Variants in CBR4 observed in about 807,000 individuals in gnomAD.
CBR4 encodes carbonyl reductase 4.
CBR4 carries 22 observed loss-of-function variants against 21.0 expected under a neutral mutation model. That is an observed-to-expected ratio of 1.05 (90% CI 0.75 to 1.50). The LOEUF (loss-of-function observed/expected upper bound fraction) is 1.50. Ranked by LOEUF, CBR4 falls within the 40% of genes most tolerant of loss-of-function variation. The probability of loss-of-function intolerance (pLI) is 0.00; values close to 1 mark genes in which losing one functional copy is unlikely to be tolerated. For missense variants in CBR4, 302 were observed against 286.3 expected (o/e 1.05, Z -0.40); for synonymous variants, 100 against 104.4 (o/e 0.96, Z 0.26).
chr4:168,948,485 T>C (rs1763454058), intron 2 of CBR4, among the ~76,000 whole-genome samples: 1 of 152,238 alleles, frequency 6.6e-6, no homozygotes, highest in Admixed American at 6.5e-5. Context: ...CTTCTAGAAT[T>C]TTTATGGTTT....
intron 2 of CBR4, among the ~76,000 whole-genome samples, chr4:168,938,054 T>A (rs978680940): frequency 2.0e-5 from 3 of 152,160 alleles, no homozygotes; most frequent in South Asian, 2.1e-4. Context: ...ATTTATCACA[T>A]AATTGGAAGT....
chr4:168,897,148 C>G (rs1700306116), intron 2 of CBR4, among the ~76,000 whole-genome samples: 1 of 151,946 alleles, frequency 6.6e-6, no homozygotes, highest in Non-Finnish European at 1.5e-5. Context: ...GAATTTAATT[C>G]TGTCATTAGT....
At chr4:168,898,902 G>C (rs576585348) in intron 2 of CBR4, among the ~76,000 whole-genome samples, 1 of 152,158 alleles carries the variant, frequency 6.6e-6, no homozygotes, top group African/African-American at 2.4e-5. Context: ...AAAGGTGGTG[G>C]GGGGAGTGGA....
chr4:168,987,768 A>C lies in CBR4; in HGVS notation c.*2382T>G, dbSNP rs558812947. ...TTCTCTCTTTATTCTGAATAACAGA[A>C]GCACGTAAATTAAATTATCCTCTTT... On this transcript the variant is annotated 3_prime_UTR_variant, in exon 5 of 5. Transcript: ENST00000306193. 1.0e-6 allele frequency: 1 copy of C among 985,012 alleles called. No individual in the cohort carries two copies. Among genetic ancestry groups the C allele is most frequent in the Non-Finnish European group, 1.2e-6 (1 of 829,516 alleles). The allele number at this position is 985,012 out of a possible 1,614,324, so 61.0% of individuals were successfully genotyped here.
chr4:168,961,081 C>T (rs541061850), intron 2 of CBR4, among the ~76,000 whole-genome samples: 51 of 152,258 alleles, frequency 3.3e-4, no homozygotes, highest in African/African-American at 1.2e-3. Flanking sequence ...TACTAGGTAA[C>T]AGCATAAAAG....
intron 2 of CBR4, among the ~76,000 whole-genome samples, chr4:168,973,230 T>A (rs1299377280): frequency 2.0e-5 from 3 of 152,172 alleles, no homozygotes; most frequent in Non-Finnish European, 4.4e-5. Context: ...GATATGTAGT[T>A]TTTTTGTTGT....
chr4:168,966,251 C>A (rs1204384555), intron 2 of CBR4, among the ~76,000 whole-genome samples: 4 of 151,058 alleles, frequency 2.6e-5, no homozygotes, highest in Admixed American at 1.3e-4. Context: ...ACGTGGCTCA[C>A]GACTGTAATC....
rs778472451 is a variant in CBR4, at chr4:169,006,740, A to T, written c.400+15T>A. ...ATTATGGGATAATCATAAATTCACA[A>T]AGGTGAAGACTCACCTACATTAACA... On this transcript the variant is annotated intron_variant, in intron 3 of 4. Transcript: ENST00000306193. 32 of 1,602,276 alleles carry T rather than the reference A, an allele frequency of 2.0e-5. No homozygotes were observed. In the South Asian group the frequency reaches 3.3e-4, roughly 17 times the overall value.
Position 168,948,977 on chromosome 4 carries a change from T to A in CBR4, n.169+53094A>T, listed in dbSNP as rs147793437. Reference sequence around the variant, plus strand: ...TGGCAGTATGGTCATTTTCACAATATTGATTCTACCCTTCCATGAGCATGG... The same window carrying A: ...TGGCAGTATGGTCATTTTCACAATAATGATTCTACCCTTCCATGAGCATGG... On this transcript the variant is annotated intron_variant and non_coding_transcript_variant, in intron 2 of 3. Coordinates refer to the CBR4 transcript ENST00000509108. Among the ~76,000 whole-genome samples the A allele has an allele frequency of 3.4e-3, 519 of 152,362 alleles. 6 individuals are homozygous for A. Among genetic ancestry groups the A allele is most frequent in the African/African-American group, 0.011 (459 of 41,588 alleles).
At chr4:168,975,331 T>G (rs1279432667) in intron 2 of CBR4, among the ~76,000 whole-genome samples, 1 of 152,230 alleles carries the variant, frequency 6.6e-6, no homozygotes, top group Non-Finnish European at 1.5e-5. Flanking sequence ...GTGGACTCTG[T>G]GGGAGTCCTT....
At position 169,005,869 on chromosome 4, in the gene CBR4, G is replaced by T. The variant is rs559837085; in HGVS notation, c.400+886C>A. The T allele has an allele frequency of 6.2e-6, 8 of 1,287,074 alleles. No homozygotes were observed. In the East Asian group the frequency reaches 3.9e-4, roughly 62 times the overall value. The allele number at this position is 1,287,074 out of a possible 1,614,324, so 79.7% of individuals were successfully genotyped here. On this transcript the variant is annotated intron_variant, in intron 3 of 4. Transcript: ENST00000306193. ...GAAAAACCATTTCCTACATTTAAAA[G>T]AACAGGGTCACTTACTTTTATGGAG...
chr4:169,010,102 A>C lies in CBR4; in HGVS notation c.-13T>G. The C allele has an allele frequency of 6.2e-7, 1 of 1,604,450 alleles. No individual in the cohort carries two copies. Among genetic ancestry groups the C allele is most frequent in the Admixed American group, 1.7e-5 (1 of 58,980 alleles). On this transcript the variant is annotated 5_prime_UTR_variant, in exon 1 of 5. Transcript: ENST00000306193. Reference sequence around the variant, plus strand: ...ACACTTTGTCCATCTCGGAGTCACAAACTCGGAGGAAAGAGGGTAGGGAGT... The same window carrying C: ...ACACTTTGTCCATCTCGGAGTCACACACTCGGAGGAAAGAGGGTAGGGAGT...
chr4:168,961,236 C>T (rs1287490295), intron 2 of CBR4, among the ~76,000 whole-genome samples: 3 of 152,114 alleles, frequency 2.0e-5, no homozygotes, highest in African/African-American at 7.2e-5. Flanking sequence ...AAACAAGGAG[C>T]TAAGTGCCAA....
chr4:168,898,474 TA>T, intron 2 of CBR4: 1 of 1,560,290 alleles, frequency 6.4e-7, no homozygotes, highest in Non-Finnish European at 8.8e-7. Flanking sequence ...TCTGCTAACT[TA>T]AACTTTCCTT....
At chr4:168,894,573 G>C (rs1754721878) in exon 3 of CBR4, 1 of 1,596,022 alleles carries the variant, frequency 6.3e-7, no homozygotes, top group Non-Finnish European at 8.6e-7. Flanking sequence ...GACTTACGTT[G>C]TTTAGAGGTT....
intron 2 of CBR4, among the ~76,000 whole-genome samples, chr4:168,960,367 C>G (rs1169830499): frequency 6.6e-6 from 1 of 152,106 alleles, no homozygotes; most frequent in African/African-American, 2.4e-5. Context: ...ATAACAAATA[C>G]TACATAAGCT....
At chr4:168,957,179 C>G (rs1763712418) in intron 2 of CBR4, among the ~76,000 whole-genome samples, 1 of 152,140 alleles carries the variant, frequency 6.6e-6, no homozygotes, top group Non-Finnish European at 1.5e-5. Context: ...CCACCATTCA[C>G]TTGAAGCCTT....
At chr4:168,971,139 T>G (rs1764195100) in intron 2 of CBR4, among the ~76,000 whole-genome samples, 2 of 152,176 alleles carry the variant, frequency 1.3e-5, no homozygotes, top group South Asian at 4.1e-4. Context: ...CATCTATTAT[T>G]TTTTTATTTT....
At chr4:168,994,571 G>GT (rs1180644009) in intron 4 of CBR4, among the ~76,000 whole-genome samples, 1 of 151,882 alleles carries the variant, frequency 6.6e-6, no homozygotes, top group Non-Finnish European at 1.5e-5. Flanking sequence ...TTTCTTTTCT[G>GT]TTTTTTCTTT....
Sources: allele counts gnomAD v4.1 joint callset (sites outside exome capture counted in the v4.1 genomes callset), GRCh38; gene constraint gnomAD v4.1.1; transcripts MANE v1.5; gene names NCBI Gene and HGNC (gene_info 2026-07-23, HGNC 2026-07-21).